SYT4: variants seen among roughly 807,000 people sequenced by gnomAD.
SYT4 encodes synaptotagmin-4.
SYT4 carries 7 observed loss-of-function variants against 32.9 expected under a neutral mutation model. The observed-to-expected ratio is 0.21, with a 90% CI of 0.12 to 0.40. SYT4 has a LOEUF of 0.40. Ranked by LOEUF, SYT4 falls within the 10% of genes least tolerant of loss-of-function variation. The pLI, the probability that SYT4 is intolerant of heterozygous loss-of-function variation, is 1.00. For synonymous variants in SYT4, 205 were observed against 186.2 expected (o/e 1.10, Z -0.82); for missense variants, 480 against 488.0 (o/e 0.98, Z 0.16).
At position 43,268,186 on chromosome 18, in the gene SYT4, T is replaced by A. The variant is rs894699248; in HGVS notation, c.*2155A>T. The A allele has an allele frequency of 6.6e-6, 1 of 152,636 alleles. No homozygotes were observed. Among genetic ancestry groups the A allele is most frequent in the Non-Finnish European group, 1.5e-5 (1 of 68,042 alleles). 9.5% of individuals were successfully genotyped at this position (152,636 alleles called of 1,614,324 possible). A position where few individuals can be genotyped will look rare whatever the true frequency, so the allele number is the denominator to read the frequency against. ...ATATTCACATTGATATTGTAATACA[T>A]TCTAAAACAGTACATTTTCAGAAAT... is the stretch of plus-strand genomic sequence containing the variant. On this transcript the variant is annotated 3_prime_UTR_variant, in exon 4 of 4. Transcript: ENST00000255224.
Position 43,270,452 on chromosome 18 carries a change from C to T in SYT4, c.1167G>A (p.Gly389=), listed in dbSNP as rs373671678. The change falls in exon 4 of 4, where the codon GGG becomes GGA. Residue 389 remains glycine (G), a synonymous_variant. Transcript: ENST00000255224. Reference sequence around the variant, plus strand: ...CTGCTGCTGCACCCAAGACTAACTGCCCGATTACCTCATTTCGGGACCCCC... The same window carrying T: ...CTGCTGCTGCACCCAAGACTAACTGTCCGATTACCTCATTTCGGGACCCCC... ...SERGSRNEVI[G]QLVLGAAAEG... The T allele has an allele frequency of 5.0e-6, 8 of 1,613,982 alleles. No homozygotes were observed. Among genetic ancestry groups the T allele is most frequent in the Non-Finnish European group, 6.8e-6 (8 of 1,179,996 alleles).
chr18:43,271,176 T>C (rs1346333806), intron 3 of SYT4, among the ~76,000 whole-genome samples: 1 of 152,206 alleles, frequency 6.6e-6, no homozygotes, highest in Non-Finnish European at 1.5e-5. Flanking sequence ...TTTCCTAGTG[T>C]TGAGCTTCTC....
chr18:43,276,401 T>C (rs1483172239), intron 1 of SYT4, among the ~76,000 whole-genome samples: 14 of 152,238 alleles, frequency 9.2e-5, no homozygotes, highest in Admixed American at 5.9e-4. Context: ...TGAAATTTCA[T>C]GATTTAAAAA....
intron 3 of SYT4, 42 bp downstream of exon 3, chr18:43,271,670 C>G: frequency 6.2e-7 from 1 of 1,607,828 alleles, no homozygotes; most frequent in Non-Finnish European, 8.5e-7. Context: ...CAAATACATT[C>G]CAATCATACA....
At chr18:43,276,604 C>T (rs967877741) in intron 1 of SYT4, among the ~76,000 whole-genome samples, 1 of 152,178 alleles carries the variant, frequency 6.6e-6, no homozygotes, top group Non-Finnish European at 1.5e-5. Flanking sequence ...ATTGTGCAAC[C>T]TATAATACTT....
chr18:43,276,686 C>G (rs1334631441), intron 1 of SYT4, among the ~76,000 whole-genome samples: 1 of 152,148 alleles, frequency 6.6e-6, no homozygotes, highest in East Asian at 1.9e-4. Flanking sequence ...TTTTGAAACT[C>G]TCTTTAACCC....
rs1398390820 is a variant in SYT4, at chr18:43,270,118, T to G, written c.*223A>C. 2 of 548,500 alleles carry G rather than the reference T, an allele frequency of 3.6e-6. No homozygotes were observed. Among genetic ancestry groups the G allele is most frequent in the Non-Finnish European group, 6.4e-6 (2 of 311,128 alleles). The allele number at this position is 548,500 out of a possible 1,614,324, so 34.0% of individuals were successfully genotyped here. ...ATCACTGGTAATCTGAAGGAGATAT[T>G]GAATATCTTATGAAAATTTATCCAA... is the stretch of plus-strand genomic sequence containing the variant. On this transcript the variant is annotated 3_prime_UTR_variant, in exon 4 of 4. Coordinates refer to ENST00000255224, the MANE Select transcript of SYT4 (RefSeq NM_020783.4).
In SYT4 at chr18:43,274,207, T is replaced by C; in HGVS notation, c.222A>G (p.Gly74=). ...TCTTTACTTCATTTTTATCATCTGCTCCAAACTTCTTTTTGCTATTTAGGT... is the reference window on the plus strand; with the variant it reads ...TCTTTACTTCATTTTTATCATCTGCCCCAAACTTCTTTTTGCTATTTAGGT... ...PENLNSKKKF[G]ADDKNEVKNK... is the part of the protein sequence containing the mutation. Residue 74 remains glycine, a synonymous_variant, in exon 2 of 4, where the codon GGA becomes GGG. Transcript: ENST00000255224. The C allele has an allele frequency of 6.2e-7, 1 of 1,613,982 alleles. No individual in the cohort carries two copies. The highest frequency in any genetic ancestry group is 8.5e-7 in the Non-Finnish European group (1 of 1,179,944).
Position 43,277,449 on chromosome 18 carries a change from C to T in SYT4, c.-168G>A, listed in dbSNP as rs1019962467. 2 of 679,758 alleles carry T rather than the reference C, an allele frequency of 2.9e-6. No individual in the cohort carries two copies. The highest frequency in any genetic ancestry group is 5.0e-6 in the Non-Finnish European group (2 of 402,386). 42.1% of individuals were successfully genotyped at this position (679,758 alleles called of 1,614,324 possible). A position where few individuals can be genotyped will look rare whatever the true frequency, so the allele number is the denominator to read the frequency against. ...GCAAAGAGGGAGGTCCACTCGCCCT[C>T]GCACAGTGATTTGCCACCTCGGTTC... On this transcript the variant is annotated 5_prime_UTR_variant, in exon 1 of 4. Transcript: ENST00000255224.
chr18:43,270,705 C>A, intron 3 of SYT4, 57 bp from the exon 4 acceptor site: 2 of 1,576,002 alleles, frequency 1.3e-6, no homozygotes, highest in Non-Finnish European at 1.7e-6. Context: ...GAGCTGATAT[C>A]AAGATAACAG....
chr18:43,273,742 G>A lies in SYT4; in HGVS notation c.687C>T (p.Pro229=). 1.2e-6 allele frequency: 2 copies of A among 1,613,988 alleles called. No individual in the cohort carries two copies. The highest frequency in any genetic ancestry group is 1.7e-6 in the Non-Finnish European group (2 of 1,179,918). Residue 229 remains proline, a synonymous_variant, in exon 2 of 4, where the codon CCC becomes CCT. Coordinates refer to ENST00000255224, the MANE Select transcript of SYT4 (RefSeq NM_020783.4). Reference sequence around the variant, plus strand: ...AGGCCAATTCTTGGATTTGGGTGTAGGGTATCCCATAGAATGTAAAGGTCT... The same window carrying A: ...AGGCCAATTCTTGGATTTGGGTGTAAGGTATCCCATAGAATGTAAAGGTCT... ...FDETFTFYGI[P]YTQIQELALH... is the part of the protein sequence containing the mutation.
chr18:43,270,885 AATT>A (rs1399483829), intron 3 of SYT4, among the ~76,000 whole-genome samples: 1 of 152,138 alleles, frequency 6.6e-6, no homozygotes, highest in African/African-American at 2.4e-5. Flanking sequence ...TAAGGGAAAA[AATT>A]AATGATAGGA....
Position 43,274,289 on chromosome 18 carries a change from T to C in SYT4, c.140A>G (p.Lys47Arg). Reference protein sequence around the residue: ...CCQRKSSKSNKTPPYKFVHVL... With the variant: ...CCQRKSSKSNRTPPYKFVHVL... The stretch of plus-strand genomic sequence containing the variant: ...ATGCACAAACTTGTATGGAGGAGTC[T>C]TGTTAGACTTGGATGATTTTCTCTG... The change falls in exon 2 of 4, where the codon AAG becomes AGG. Residue 47 changes from lysine to arginine, a missense_variant. Physicochemically the swap from Lys to Arg is conservative, Grantham distance 26. Transcript: ENST00000255224. 1 of 1,613,934 alleles carries C rather than the reference T, an allele frequency of 6.2e-7. No homozygotes were observed. Among genetic ancestry groups the C allele is most frequent in the South Asian group, 1.1e-5 (1 of 91,076 alleles).
Position 43,270,277 on chromosome 18 carries a change from A to C in SYT4, c.*64T>G, listed in dbSNP as rs956497106. On this transcript the variant is annotated 3_prime_UTR_variant, in exon 4 of 4. Coordinates refer to ENST00000255224, the MANE Select transcript of SYT4 (RefSeq NM_020783.4). ...ATTTCCCAAGCTTGCAATCCAATAT[A>C]GAAAGAAAGAAAATTTCTCCTTGCC... 2 of 1,538,130 alleles carry C rather than the reference A, an allele frequency of 1.3e-6. No homozygotes were observed.
chr18:43,271,912 ATCG>A, intron 2 of SYT4, 80 bp from the exon 3 acceptor site: 3 of 1,358,464 alleles, frequency 2.2e-6, no homozygotes, highest in Non-Finnish European at 3.0e-6. Flanking sequence ...TTTAAATAAC[ATCG>A]TCATTTAAAT....
At position 43,273,719 on chromosome 18, in the gene SYT4, G is replaced by T; in HGVS notation, c.710C>A (p.Ala237Asp). The T allele has an allele frequency of 6.2e-7, 1 of 1,613,976 alleles. No homozygotes were observed. Among genetic ancestry groups the T allele is most frequent in the Middle Eastern group, 1.7e-4 (1 of 6,060 alleles). ...AAAACTCAAAATTGTGAAGTGCAAGGCCAATTCTTGGATTTGGGTGTAGGG... is the reference window on the plus strand; with the variant it reads ...AAAACTCAAAATTGTGAAGTGCAAGTCCAATTCTTGGATTTGGGTGTAGGG... ...GIPYTQIQEL[A>D]LHFTILSFDR... The change falls in exon 2 of 4, where the codon GCC (alanine) becomes GAC (aspartate). Residue 237 changes from alanine to aspartate, a missense_variant. By Grantham distance (126) the Ala-to-Asp change is moderately radical. Coordinates refer to ENST00000255224, the MANE Select transcript of SYT4 (RefSeq NM_020783.4).
intron 1 of SYT4, among the ~76,000 whole-genome samples, chr18:43,276,981 G>T (rs1425582117): frequency 6.6e-6 from 1 of 152,084 alleles, no homozygotes; most frequent in Non-Finnish European, 1.5e-5. Context: ...AGTACATGCT[G>T]CAATTTACAG....
chr18:43,274,130 T>C lies in SYT4; in HGVS notation c.299A>G (p.Asp100Gly). Residue 100 changes from aspartate to glycine, a missense_variant, in exon 2 of 4, where the codon GAT (aspartate) becomes GGT (glycine). Physicochemically the swap from Asp to Gly is moderately conservative, Grantham distance 94. Coordinates refer to ENST00000255224, the MANE Select transcript of SYT4 (RefSeq NM_020783.4). The part of the protein sequence containing the change: ...NSLHLDLEKR[D>G]LNGNFPKTNL... ...GGTTTTGGGAAAATTGCCATTGAGATCTCTCTTTTCAAGATCCAGATGCAA... is the reference window on the plus strand; with the variant it reads ...GGTTTTGGGAAAATTGCCATTGAGACCTCTCTTTTCAAGATCCAGATGCAA... 3 of 1,614,070 alleles carry C rather than the reference T, an allele frequency of 1.9e-6. No homozygotes were observed. The highest frequency in any genetic ancestry group is 2.5e-6 in the Non-Finnish European group (3 of 1,179,958).
Position 43,270,605 on chromosome 18 carries a change from G to C in SYT4, c.1014C>G (p.Ile338Met). 1 of 1,613,978 alleles carries C rather than the reference G, an allele frequency of 6.2e-7. No individual in the cohort carries two copies. The highest frequency in any genetic ancestry group is 8.5e-7 in the Non-Finnish European group (1 of 1,179,958). ...TCTTCACATGAGTCTTCTTCTTGGA[G>C]ATTCTCTTTTTGGCATGGTACAGGT... ...KVNLYHAKKR[I>M]SKKKTHVKKC... The change falls in exon 4 of 4, where the codon ATC becomes ATG. Residue 338 changes from isoleucine (I) to methionine (M), a missense_variant. Coordinates refer to ENST00000255224, the MANE Select transcript of SYT4 (RefSeq NM_020783.4).
Sources: gnomAD v4.1 joint callset for allele counts (sites outside exome capture counted in the v4.1 genomes callset) on GRCh38, gnomAD v4.1.1 for gene constraint, MANE v1.5 for transcripts, NCBI Gene and HGNC (gene_info 2026-07-23, HGNC 2026-07-21) for gene names.